MTAP: variants seen among roughly 807,000 people sequenced by gnomAD.
The protein encoded by MTAP is methylthioadenosine phosphorylase.
MTAP carries 33 observed loss-of-function variants against 33.6 expected under a neutral mutation model. The ratio of observed to expected loss-of-function variants is 0.98; its 90% CI spans 0.74 to 1.31. The LOEUF (loss-of-function observed/expected upper bound fraction) is 1.31. Among genes scored for constraint, MTAP ranks in the 40% most tolerant of loss-of-function variants. The pLI is 0.00. For synonymous variants in MTAP, 148 were observed against 125.7 expected (o/e 1.18, Z -1.19); for missense variants, 367 against 360.0 (o/e 1.02, Z -0.16).
At chr9:21,836,085 C>G (rs1476280720) in intron 4 of MTAP, among the ~76,000 whole-genome samples, 1 of 152,054 alleles carries the variant, frequency 6.6e-6, no homozygotes, top group African/African-American at 2.4e-5. Flanking sequence ...TGTCTCTAGC[C>G]CAGACCCACA....
intron 1 of MTAP, among the ~76,000 whole-genome samples, chr9:21,880,499 A>G (rs1466952084): frequency 6.6e-6 from 1 of 152,138 alleles, no homozygotes; most frequent in East Asian, 1.9e-4. Context: ...CAGTATTTAC[A>G]AAATCCTGTA....
chr9:21,844,210 C>G (rs748715267), intron 5 of MTAP, among the ~76,000 whole-genome samples: 2 of 152,078 alleles, frequency 1.3e-5, no homozygotes, highest in Non-Finnish European at 2.9e-5. Flanking sequence ...AGACCAATAA[C>G]AAGTAGGAAG....
intron 1 of MTAP, among the ~76,000 whole-genome samples, chr9:21,911,814 C>A (rs887090874): frequency 4.6e-5 from 7 of 151,680 alleles, no homozygotes; most frequent in Admixed American, 2.6e-4. Flanking sequence ...ACACAAAAAA[C>A]CCATCAAAAA....
rs549695572 is a variant in MTAP at position 21,922,048 on chromosome 9, C to T, written c.148-8960C>T. On this transcript the variant is annotated intron_variant, in intron 1 of 1. Coordinates refer to the MTAP transcript ENST00000577563. This position sits in a 1 kb window ranked among gnomAD's most constrained non-coding sequence, Gnocchi z 4.8. ...GTCAGTGCCAGAGAAAGGCAGTCTC[C>T]CAATATATGGAAAACACTTGAAGCC... Among the ~76,000 whole-genome samples, 1 of 151,960 alleles carries T rather than the reference C, an allele frequency of 6.6e-6. No homozygotes were observed. The highest frequency in any genetic ancestry group is 2.1e-4 in the South Asian group (1 of 4,780).
At chr9:21,925,373 C>G (rs926629812) in intron 1 of MTAP, among the ~76,000 whole-genome samples, 1 of 152,196 alleles carries the variant, frequency 6.6e-6, no homozygotes, top group Non-Finnish European at 1.5e-5. Context: ...AAAACTAGCA[C>G]TGGACCCCAA....
chr9:21,833,088 T>A (rs1825013439), intron 4 of MTAP, among the ~76,000 whole-genome samples: 1 of 152,184 alleles, frequency 6.6e-6, no homozygotes, highest in Non-Finnish European at 1.5e-5. Context: ...AAACATCCAT[T>A]GGTTTTCCTC....
intron 1 of MTAP, among the ~76,000 whole-genome samples, chr9:21,813,406 A>T (rs1824400356): frequency 6.6e-6 from 1 of 152,242 alleles, no homozygotes; most frequent in South Asian, 2.1e-4. Context: ...CTGAGTTGCC[A>T]GCTACCTGGT....
At chr9:21,845,040 A>G (rs1487170187) in intron 5 of MTAP, among the ~76,000 whole-genome samples, 1 of 151,876 alleles carries the variant, frequency 6.6e-6, no homozygotes, top group African/African-American at 2.4e-5. Flanking sequence ...CAAAAAAAAA[A>G]AAAAAGCCAT....
intron 1 of MTAP, among the ~76,000 whole-genome samples, chr9:21,886,451 T>G (rs998703249): frequency 6.6e-6 from 1 of 152,194 alleles, no homozygotes; most frequent in Non-Finnish European, 1.5e-5. Flanking sequence ...ACCTTTTTTA[T>G]TTTGTTAAGT....
intron 4 of MTAP, among the ~76,000 whole-genome samples, chr9:21,819,757 G>A (rs200130069): frequency 2.0e-5 from 3 of 152,158 alleles, no homozygotes; most frequent in Non-Finnish European, 2.9e-5. Context: ...CTTCCCACCA[G>A]CAGTGTAAAA....
chr9:21,852,461 G>C (rs1825537360), intron 5 of MTAP, among the ~76,000 whole-genome samples: 1 of 146,984 alleles, frequency 6.8e-6, no homozygotes, highest in Non-Finnish European at 1.5e-5. Flanking sequence ...AGTGAGCCAA[G>C]ATCGCACTAA....
At chr9:21,913,097 G>C (rs984945678) in intron 1 of MTAP, among the ~76,000 whole-genome samples, 1 of 152,146 alleles carries the variant, frequency 6.6e-6, no homozygotes, top group South Asian at 2.1e-4. Context: ...TCTTCAAGGA[G>C]AACTACAAAC....
At chr9:21,895,227 A>G (rs923941663) in intron 1 of MTAP, among the ~76,000 whole-genome samples, 12 of 152,356 alleles carry the variant, frequency 7.9e-5, no homozygotes, top group African/African-American at 2.6e-4. Flanking sequence ...AAGCAAGCCT[A>G]AGCAAAATGA....
chr9:21,844,313 G>A (rs1013430414), intron 5 of MTAP, among the ~76,000 whole-genome samples: 1 of 152,068 alleles, frequency 6.6e-6, no homozygotes, highest in Non-Finnish European at 1.5e-5. Flanking sequence ...TCAAAGAACT[G>A]GTACCAATCT....
chr9:21,859,422 G>A lies in MTAP; in HGVS notation c.810G>A (p.Leu270=). ...AATGGTCAGAAACCCTCCATAACCT[G>A]AAGGTAAGTGTCAGCCATGGACAAT... The part of the protein sequence containing the change: ...STEWSETLHN[L]KNMAQFSVLL... The change falls in exon 7 of 8, where the codon CTG becomes CTA. Residue 270 remains leucine, a synonymous_variant. Transcript: ENST00000644715. 1.2e-6 allele frequency: 2 copies of A among 1,609,328 alleles called. No homozygotes were observed. The highest frequency in any genetic ancestry group is 1.1e-5 in the South Asian group (1 of 89,962).
At chr9:21,826,101 A>G (rs781473754) in intron 4 of MTAP, among the ~76,000 whole-genome samples, 5 of 151,522 alleles carry the variant, frequency 3.3e-5, no homozygotes, top group Non-Finnish European at 5.9e-5. Context: ...GTCTCTTTAT[A>G]TTATGGGAAT....
chr9:21,834,973 T>C (rs1825067623), intron 4 of MTAP, among the ~76,000 whole-genome samples: 1 of 152,184 alleles, frequency 6.6e-6, no homozygotes, highest in African/African-American at 2.4e-5. Context: ...TCTGTTCAGG[T>C]TGATACAACG....
chr9:21,864,732 A>G lies in MTAP; in HGVS notation c.*2718A>G, dbSNP rs1353888179. 5 of 985,266 alleles carry G rather than the reference A, an allele frequency of 5.1e-6. No individual in the cohort carries two copies. Among genetic ancestry groups the G allele is most frequent in the Non-Finnish European group, 6.0e-6 (5 of 829,962 alleles). The allele number at this position is 985,266 out of a possible 1,614,324, so 61.0% of individuals were successfully genotyped here. On this transcript the variant is annotated 3_prime_UTR_variant, in exon 8 of 8. Coordinates refer to ENST00000644715, the MANE Select transcript of MTAP (RefSeq NM_002451.4). ...GGTGGCACCCTCAGGAGTGGAGGAC[A>G]GTGAACTTCCTTGAAGAGGGAGTGA... is the stretch of plus-strand genomic sequence containing the variant.
intron 1 of MTAP, among the ~76,000 whole-genome samples, chr9:21,876,323 G>T (rs1587268771): frequency 6.6e-6 from 1 of 152,032 alleles, no homozygotes; most frequent in African/African-American, 2.4e-5. Context: ...TAGGTTGTCT[G>T]TTTACTCTGT....
Sources: allele counts gnomAD v4.1 joint callset (sites outside exome capture counted in the v4.1 genomes callset), GRCh38; gene constraint gnomAD v4.1.1; non-coding constraint Gnocchi (gnomAD v3.1); transcripts MANE v1.5; gene names NCBI Gene and HGNC (gene_info 2026-07-23, HGNC 2026-07-21).